The following METTL15 variants were observed in gnomAD, a reference collection of about 807,000 sequenced individuals.
The protein encoded by METTL15 is methyltransferase 15, mitochondrial 12S rRNA N4-cytidine.
METTL15 carries 34 observed loss-of-function variants against 38.3 expected under a neutral mutation model. The observed-to-expected ratio is 0.89, with a 90% CI of 0.68 to 1.18. The LOEUF (loss-of-function observed/expected upper bound fraction) is 1.18, where lower values mean the gene tolerates loss of function less well. Ranked by LOEUF, METTL15 falls within the 50% of genes most tolerant of loss-of-function variation. The probability of loss-of-function intolerance (pLI) is 0.00; values close to 1 mark genes in which losing one functional copy is unlikely to be tolerated. For synonymous variants in METTL15, 162 were observed against 170.9 expected (o/e 0.95, Z 0.41); for missense variants, 438 against 498.4 (o/e 0.88, Z 1.15).
At chr11:28,340,400 G>A (rs1195562123) in intron 3 of METTL15, among the ~76,000 whole-genome samples, 2 of 152,106 alleles carry the variant, frequency 1.3e-5, no homozygotes, top group South Asian at 2.1e-4. Flanking sequence ...CCTACAGAAT[G>A]GGAGAAAAGT....
chr11:28,372,082 G>A (rs1041810962), intron 5 of METTL15, among the ~76,000 whole-genome samples: 7 of 151,978 alleles, frequency 4.6e-5, no homozygotes, highest in African/African-American at 1.7e-4. Context: ...CAGTGGAAAT[G>A]CTTTCAAGAG....
intron 5 of METTL15, among the ~76,000 whole-genome samples, chr11:28,395,061 T>G (rs1850554160): frequency 6.6e-6 from 1 of 152,088 alleles, no homozygotes. Flanking sequence ...TGAAATCAAT[T>G]TTTGGAGAGT....
intron 6 of METTL15, among the ~76,000 whole-genome samples, chr11:28,301,606 G>GA (rs1358027740): frequency 6.6e-6 from 1 of 151,752 alleles, no homozygotes; most frequent in Non-Finnish European, 1.5e-5. Flanking sequence ...GACTTAGTTT[G>GA]AAAAAAATTA....
At chr11:28,505,224 C>A (rs2133495353) in intron 6 of METTL15, among the ~76,000 whole-genome samples, 1 of 152,174 alleles carries the variant, frequency 6.6e-6, no homozygotes, top group South Asian at 2.1e-4. Flanking sequence ...GTATATTTTT[C>A]TTGAATGAAG....
chr11:28,271,940 ACG>A (rs1855656444), intron 4 of METTL15, among the ~76,000 whole-genome samples: 1 of 152,222 alleles, frequency 6.6e-6, no homozygotes, highest in African/African-American at 2.4e-5. Context: ...GAAGACATTT[ACG>A]TGGTCAACAA....
chr11:28,353,748 AC>A lies in METTL15; in HGVS notation c.*258+1594del, dbSNP rs1238304754. Among the ~76,000 whole-genome samples the A allele has an allele frequency of 4.4e-4, 67 of 150,614 alleles. 1 individual carries two copies. The highest frequency in any genetic ancestry group is 8.3e-4 in the Non-Finnish European group (56 of 67,704). ...AGACCATCCTGGCTAACAAGGTGAA[AC>A]CCCGTCTCTACTAAAAATACAAAAA... On this transcript the variant is annotated intron_variant and NMD_transcript_variant, in intron 4 of 7. Coordinates refer to the METTL15 transcript ENST00000532947.
At chr11:28,187,240 T>G (rs558507464) in intron 3 of METTL15, among the ~76,000 whole-genome samples, 73 of 151,396 alleles carry the variant, frequency 4.8e-4, no homozygotes, top group Non-Finnish European at 9.6e-4. Context: ...TGCTATGGCC[T>G]TCTCTGACCA....
intron 6 of METTL15, among the ~76,000 whole-genome samples, chr11:28,314,955 G>A (rs537454253): frequency 3.5e-4 from 53 of 152,272 alleles, no homozygotes; most frequent in Admixed American, 2.6e-3. Context: ...TGAGGCTTCC[G>A]CAGCCATGTG....
At chr11:28,161,667 C>T (rs1298575412) in intron 3 of METTL15, among the ~76,000 whole-genome samples, 4 of 151,178 alleles carry the variant, frequency 2.6e-5, no homozygotes, top group South Asian at 2.1e-4. Flanking sequence ...TCTAGGTTGT[C>T]GTAAAGGGTG....
intron 5 of METTL15, among the ~76,000 whole-genome samples, chr11:28,422,879 A>C (rs183070247): frequency 1.1e-3 from 170 of 152,164 alleles, no homozygotes; most frequent in Non-Finnish European, 2.5e-4. Flanking sequence ...TCTTCATAGC[A>C]AAGGAAACAA....
At chr11:28,261,186 T>C (rs1855185991) in intron 4 of METTL15, 1 of 152,176 alleles carries the variant, frequency 6.6e-6, no homozygotes, top group African/African-American at 2.4e-5. Context: ...CTATAGTAAA[T>C]CCCAATTAAC....
chr11:28,476,925 T>C (rs1434321025), intron 6 of METTL15, among the ~76,000 whole-genome samples: 1 of 152,120 alleles, frequency 6.6e-6, no homozygotes, highest in South Asian at 2.1e-4. Context: ...GTGAGCAAAG[T>C]TGTGAGTAAT....
chr11:28,335,851 C>T (rs1003004413), downstream of METTL15, among the ~76,000 whole-genome samples: 17 of 152,256 alleles, frequency 1.1e-4, no homozygotes, highest in African/African-American at 4.1e-4. Flanking sequence ...GCCTAGAAAA[C>T]CATAAGCGAA....
intron 3 of METTL15, among the ~76,000 whole-genome samples, chr11:28,346,156 T>C (rs1177716752): frequency 6.6e-6 from 1 of 152,198 alleles, no homozygotes; most frequent in Non-Finnish European, 1.5e-5. Flanking sequence ...GAAAATATGT[T>C]CTGAAATTTA....
intron 3 of METTL15, among the ~76,000 whole-genome samples, chr11:28,125,261 G>A (rs976177082): frequency 6.6e-6 from 1 of 152,086 alleles, no homozygotes; most frequent in Non-Finnish European, 1.5e-5. Context: ...TTTCTTCAGA[G>A]TAGGTATTAA....
At chr11:28,360,440 T>C (rs1456096469) in intron 4 of METTL15, among the ~76,000 whole-genome samples, 1 of 152,198 alleles carries the variant, frequency 6.6e-6, no homozygotes, top group Non-Finnish European at 1.5e-5. Context: ...GTTTGTCTTA[T>C]AACCATACAA....
chr11:28,155,251 A>G (rs891530517), intron 3 of METTL15, among the ~76,000 whole-genome samples: 17 of 152,282 alleles, frequency 1.1e-4, no homozygotes, highest in East Asian at 9.7e-4. Context: ...ATGCTCTCCA[A>G]TAGGAATATG....
chr11:28,166,350 C>G (rs1166174743), intron 3 of METTL15, among the ~76,000 whole-genome samples: 1 of 152,096 alleles, frequency 6.6e-6, no homozygotes, highest in Non-Finnish European at 1.5e-5. Context: ...GGATTAGTTT[C>G]TGTGTTTTCA....
At chr11:28,503,264 G>A (rs1851599570) in intron 6 of METTL15, among the ~76,000 whole-genome samples, 1 of 152,216 alleles carries the variant, frequency 6.6e-6, no homozygotes, top group Non-Finnish European at 1.5e-5. Flanking sequence ...CTTGTGGGGT[G>A]TAAAAGTACG....
Sources: allele counts gnomAD v4.1 joint callset (sites outside exome capture counted in the v4.1 genomes callset), GRCh38; gene constraint gnomAD v4.1.1; transcripts MANE v1.5; gene names NCBI Gene and HGNC (gene_info 2026-07-23, HGNC 2026-07-21).